TECPR2: variants seen among roughly 807,000 people sequenced by gnomAD.
TECPR2 encodes the protein tectonin beta-propeller repeat-containing protein 2.
A neutral mutation model predicts 138.1 loss-of-function variants in TECPR2; 65 were observed. The observed-to-expected ratio is 0.47, with a 90% CI of 0.39 to 0.58. The LOEUF (loss-of-function observed/expected upper bound fraction) is 0.58, where lower values mean the gene tolerates loss of function less well. Among genes scored for constraint, TECPR2 ranks in the 20% least tolerant of loss-of-function variants. The probability of loss-of-function intolerance (pLI) is 0.00; values close to 1 mark genes in which losing one functional copy is unlikely to be tolerated. For synonymous variants in TECPR2, 746 were observed against 749.8 expected (o/e 0.99, Z 0.08); for missense variants, 1,553 against 1,824.5 (o/e 0.85, Z 2.71).
intron 17 of TECPR2, among the ~76,000 whole-genome samples, chr14:102,469,619 G>A (rs1467929848): frequency 2.0e-5 from 3 of 152,150 alleles, no homozygotes; most frequent in South Asian, 2.1e-4. Context: ...TAGAAGTGGC[G>A]AGAATGGGCC....
chr14:102,373,187 T>TG (rs145719664), intron 1 of TECPR2, among the ~76,000 whole-genome samples: 1 of 151,244 alleles, frequency 6.6e-6, no homozygotes, highest in Non-Finnish European at 1.5e-5. Flanking sequence ...ACTTCATGTT[T>TG]GTTTTTTTTT....
chr14:102,372,935 A>G (rs1054511256), intron 1 of TECPR2, among the ~76,000 whole-genome samples: 4 of 152,160 alleles, frequency 2.6e-5, no homozygotes, highest in Non-Finnish European at 4.4e-5. Context: ...CAACTTTTTG[A>G]TAGTGAGCAT....
At chr14:102,406,284 C>T (rs1888656605) in intron 2 of TECPR2, among the ~76,000 whole-genome samples, 1 of 152,178 alleles carries the variant, frequency 6.6e-6, no homozygotes, top group African/African-American at 2.4e-5. Context: ...CATGGTGGCC[C>T]ACACCTGTAA....
Position 102,499,012 on chromosome 14 carries a change from A to G in TECPR2, c.*755A>G, listed in dbSNP as rs747400739. ...ACCGCACTGCACCGCACCGCACCGCACCGTACCTCGCCACATCTCACCACA... is the reference window on the plus strand; with the variant it reads ...ACCGCACTGCACCGCACCGCACCGCGCCGTACCTCGCCACATCTCACCACA... On this transcript the variant is annotated 3_prime_UTR_variant, in exon 20 of 20. Transcript: ENST00000359520. The G allele has an allele frequency of 2.3e-5, 16 of 697,614 alleles. No homozygotes were observed. Among genetic ancestry groups the G allele is most frequent in the South Asian group, 1.6e-4 (11 of 66,830 alleles). The allele number at this position is 697,614 out of a possible 1,614,324, so 43.2% of individuals were successfully genotyped here.
chr14:102,400,927 G>A (rs937434993), intron 2 of TECPR2, among the ~76,000 whole-genome samples: 3 of 151,978 alleles, frequency 2.0e-5, no homozygotes, highest in Non-Finnish European at 2.9e-5. Flanking sequence ...CCAGCCACCC[G>A]GGAGGCTGAA....
At chr14:102,430,112 G>A (rs1191231102) in intron 7 of TECPR2, among the ~76,000 whole-genome samples, 1 of 151,944 alleles carries the variant, frequency 6.6e-6, no homozygotes, top group African/African-American at 2.4e-5. Context: ...GATTACAGGT[G>A]TGCACCACCA....
Position 102,440,471 on chromosome 14 carries a change from C to T in TECPR2, c.2614C>T (p.Arg872Trp), listed in dbSNP as rs567083619. ...LLWKIEQKSNRAFACGKVTIK... is the reference protein window; with the variant it reads ...LLWKIEQKSNWAFACGKVTIK... ...CTGGAAGATTGAACAGAAATCTAAC[C>T]GGGCTTTTGCTTGTGGGAAAGTCAC... Residue 872 changes from arginine (R) to tryptophan (W), a missense_variant, in exon 11 of 20, where the codon CGG becomes TGG. Physicochemically the swap from Arg to Trp is moderately radical, Grantham distance 101. Transcript: ENST00000359520. 35 of 1,614,158 alleles carry T rather than the reference C, an allele frequency of 2.2e-5. No homozygotes were observed. In the Admixed American group the frequency reaches 2.5e-4, roughly 12 times the overall value.
At chr14:102,436,926 A>T in intron 9 of TECPR2, 1 of 942,052 alleles carries the variant, frequency 1.1e-6, no homozygotes, top group Non-Finnish European at 1.3e-6. Context: ...GGGGTATTGG[A>T]ATTCTAGGCC....
intron 1 of TECPR2, among the ~76,000 whole-genome samples, chr14:102,363,414 C>T (rs897233501): frequency 2.0e-5 from 3 of 152,216 alleles, no homozygotes; most frequent in African/African-American, 7.2e-5. Flanking sequence ...CGCCCTCGGC[C>T]CCCGGCCCCA....
intron 13 of TECPR2, among the ~76,000 whole-genome samples, chr14:102,447,483 T>G (rs893241031): frequency 2.0e-5 from 3 of 152,160 alleles, no homozygotes; most frequent in Non-Finnish European, 4.4e-5. Context: ...GCTCCCACAG[T>G]CTCCCACTGT....
chr14:102,400,353 G>T (rs1227640378), intron 2 of TECPR2, among the ~76,000 whole-genome samples: 1 of 151,966 alleles, frequency 6.6e-6, no homozygotes, highest in Non-Finnish European at 1.5e-5. Context: ...CCCACATTTT[G>T]TTTTCTACAT....
intron 16 of TECPR2, among the ~76,000 whole-genome samples, chr14:102,464,172 G>T (rs866763908): frequency 6.6e-6 from 1 of 152,200 alleles, no homozygotes; most frequent in East Asian, 1.9e-4. Flanking sequence ...TACTAATCGT[G>T]TATCATTGTT....
chr14:102,428,158 T>TAACTG (rs1889374822), intron 6 of TECPR2, 92 bp from the exon 7 acceptor site: 1 of 1,420,006 alleles, frequency 7.0e-7, no homozygotes, highest in African/African-American at 1.5e-5. Context: ...TTTGACTGAT[T>TAACTG]TGGACTCTCA....
At chr14:102,440,331 T>A in intron 10 of TECPR2, 105 bp from the exon 11 acceptor site, 1 of 1,446,782 alleles carries the variant, frequency 6.9e-7, no homozygotes, top group Non-Finnish European at 9.4e-7. Flanking sequence ...CAGAACAGGA[T>A]GTGTTTTAGA....
At chr14:102,412,739 T>G (rs1160761399) in intron 4 of TECPR2, among the ~76,000 whole-genome samples, 1 of 151,956 alleles carries the variant, frequency 6.6e-6, no homozygotes, top group South Asian at 2.1e-4. Context: ...GTTGCACAAG[T>G]GGTTTCCTTG....
rs915345736 is a variant in TECPR2 at position 102,445,808 on chromosome 14, A to G, written c.2936A>G (p.Glu979Gly). ...CCTGTTCTCCTCCTTATTTTCAGCGAAAGGCAAGCTTTAGAACCCGTCTGC... is the reference window on the plus strand; with the variant it reads ...CCTGTTCTCCTCCTTATTTTCAGCGGAAGGCAAGCTTTAGAACCCGTCTGC... ...GEQWKCDIVS[E>G]RQALEPVCIT... Residue 979 changes from glutamate to glycine, a missense_variant and splice_region_variant, in exon 13 of 20, where the codon GAA becomes GGA. Coordinates refer to ENST00000359520, the MANE Select transcript of TECPR2 (RefSeq NM_014844.5). The G allele has an allele frequency of 6.2e-7, 1 of 1,613,562 alleles. No homozygotes were observed. The highest frequency in any genetic ancestry group is 8.5e-7 in the Non-Finnish European group (1 of 1,179,752).
intron 17 of TECPR2, among the ~76,000 whole-genome samples, chr14:102,473,450 CTTTG>C (rs1286006948): frequency 1.3e-5 from 2 of 152,312 alleles, no homozygotes; most frequent in Admixed American, 1.3e-4. Context: ...CATCTTTCCA[CTTTG>C]TTTTATTTGT....
intron 1 of TECPR2, among the ~76,000 whole-genome samples, chr14:102,375,050 C>T (rs756812182): frequency 4.6e-5 from 7 of 152,176 alleles, no homozygotes; most frequent in Admixed American, 6.5e-5. Context: ...AGGCCGGACA[C>T]GGTGGCTCAC....
intron 6 of TECPR2, among the ~76,000 whole-genome samples, chr14:102,425,843 G>T (rs555209530): frequency 1.3e-5 from 2 of 150,858 alleles, no homozygotes; most frequent in Non-Finnish European, 2.9e-5. Flanking sequence ...CAAATTGCTG[G>T]GATTACAGGC....
Sources: allele counts gnomAD v4.1 joint callset (sites outside exome capture counted in the v4.1 genomes callset), GRCh38; gene constraint gnomAD v4.1.1; transcripts MANE v1.5; gene names NCBI Gene and HGNC (gene_info 2026-07-23, HGNC 2026-07-21).